NAALADL2: variants seen among roughly 807,000 people sequenced by gnomAD.
NAALADL2 encodes the protein N-acetylated alpha-linked acidic dipeptidase like 2.
In NAALADL2, 76 loss-of-function variants were observed where a neutral mutation model predicts 87.2. The ratio of observed to expected loss-of-function variants is 0.87; its 90% confidence interval spans 0.72 to 1.05. The LOEUF is 1.05. NAALADL2 is among the 50% of genes least tolerant of loss of function. The pLI is 0.00. For synonymous variants in NAALADL2, 354 were observed against 331.0 expected (o/e 1.07, Z -0.75); for missense variants, 1,089 against 945.8 (o/e 1.15, Z -1.99).
At chr3:174,678,780 G>A (rs1048174169) in intron 2 of NAALADL2, among the ~76,000 whole-genome samples, 14 of 152,020 alleles carry the variant, frequency 9.2e-5, no homozygotes, top group African/African-American at 1.7e-4. Flanking sequence ...ATTGTATACC[G>A]ACTCTCTATA....
chr3:175,767,392 A>G (rs539728500), intron 13 of NAALADL2, among the ~76,000 whole-genome samples: 4 of 152,148 alleles, frequency 2.6e-5, no homozygotes, highest in African/African-American at 9.6e-5. Context: ...CAAACCCTCA[A>G]ATTACATATA....
chr3:174,756,396 T>C (rs1440930611), intron 3 of NAALADL2, among the ~76,000 whole-genome samples: 2 of 152,212 alleles, frequency 1.3e-5, no homozygotes, highest in Non-Finnish European at 1.5e-5. Flanking sequence ...CCAGGCAATA[T>C]TCAGCTATTC....
intron 3 of NAALADL2, among the ~76,000 whole-genome samples, chr3:174,778,257 T>C (rs1715460834): frequency 6.6e-6 from 1 of 152,044 alleles, no homozygotes; most frequent in Non-Finnish European, 1.5e-5. Context: ...TTCAGCTTGG[T>C]CAAGATAAAA....
intron 11 of NAALADL2, among the ~76,000 whole-genome samples, chr3:175,629,928 A>C (rs577806700): frequency 6.6e-6 from 1 of 151,944 alleles, no homozygotes; most frequent in South Asian, 2.1e-4. Context: ...CTGTTTGATG[A>C]GTGAACAGAT....
chr3:175,356,470 G>T (rs1259851788), intron 5 of NAALADL2, among the ~76,000 whole-genome samples: 1 of 151,688 alleles, frequency 6.6e-6, no homozygotes. Flanking sequence ...AGCTACTTGA[G>T]AGGTTGAGGT....
chr3:175,048,321 G>T (rs1754927925), intron 1 of NAALADL2, among the ~76,000 whole-genome samples: 1 of 151,938 alleles, frequency 6.6e-6, no homozygotes, highest in African/African-American at 2.4e-5. Flanking sequence ...TGGCTATGTA[G>T]AAAGAAAGCA....
At chr3:175,396,904 AC>A (rs1560486931) in intron 5 of NAALADL2, among the ~76,000 whole-genome samples, 2 of 151,964 alleles carry the variant, frequency 1.3e-5, no homozygotes, top group African/African-American at 4.8e-5. Flanking sequence ...GGCCTCCCCA[AC>A]CCTGCAGAAC....
At chr3:175,698,336 T>TGTGTATTTATGTATGTATAC (rs1738323325) in intron 11 of NAALADL2, among the ~76,000 whole-genome samples, 1 of 73,696 alleles carries the variant, frequency 1.4e-5, no homozygotes, top group African/African-American at 1.0e-4. Flanking sequence ...TGTATGTGTA[T>TGTGTATTTATGTATGTATAC]ATATGTATGT....
chr3:174,979,888 C>T (rs972805458), intron 1 of NAALADL2, among the ~76,000 whole-genome samples: 4 of 152,076 alleles, frequency 2.6e-5, no homozygotes, highest in Non-Finnish European at 5.9e-5. Context: ...ACTTTACATC[C>T]CTGATGAAAA....
At chr3:174,732,540 A>G (rs898198532) in intron 2 of NAALADL2, among the ~76,000 whole-genome samples, 5 of 152,168 alleles carry the variant, frequency 3.3e-5, no homozygotes, top group Non-Finnish European at 7.4e-5. Flanking sequence ...GATCCTGAGG[A>G]CACAGCTAAG....
At chr3:174,529,554 T>G (rs144135096) in intron 1 of NAALADL2, among the ~76,000 whole-genome samples, 261 of 152,352 alleles carry the variant, frequency 1.7e-3, no homozygotes, top group African/African-American at 6.0e-3. Flanking sequence ...CCTTTAGCAC[T>G]GCCCTAGCAG....
At chr3:175,387,441 C>A (rs1768533086) in intron 5 of NAALADL2, among the ~76,000 whole-genome samples, 1 of 152,026 alleles carries the variant, frequency 6.6e-6, no homozygotes, top group Non-Finnish European at 1.5e-5. Flanking sequence ...TCTCTTGTAT[C>A]CATTTTCAGA....
At chr3:175,697,531 G>A (rs1411241508) in intron 11 of NAALADL2, among the ~76,000 whole-genome samples, 1 of 151,392 alleles carries the variant, frequency 6.6e-6, no homozygotes, top group Non-Finnish European at 1.5e-5. Flanking sequence ...ACTTATGAGG[G>A]TGTATTGTTA....
intron 2 of NAALADL2, among the ~76,000 whole-genome samples, chr3:175,175,302 C>T (rs1046527401): frequency 1.7e-4 from 26 of 151,996 alleles, no homozygotes; most frequent in Admixed American, 3.9e-4. Flanking sequence ...AGTTTTAAAA[C>T]GGAGTTTTTA....
At chr3:175,789,566 A>G (rs1051741647) in intron 13 of NAALADL2, among the ~76,000 whole-genome samples, 3 of 152,208 alleles carry the variant, frequency 2.0e-5, no homozygotes, top group Admixed American at 1.3e-4. Flanking sequence ...TTATTGGATT[A>G]GCATGCCTGC....
chr3:175,161,827 G>T (rs2108847067), intron 2 of NAALADL2, among the ~76,000 whole-genome samples: 1 of 152,234 alleles, frequency 6.6e-6, no homozygotes, highest in African/African-American at 2.4e-5. Flanking sequence ...GTCTGTGTCT[G>T]TCAATCAATT....
chr3:175,394,102 G>A (rs978712985), intron 5 of NAALADL2, among the ~76,000 whole-genome samples: 2 of 151,992 alleles, frequency 1.3e-5, no homozygotes, highest in African/African-American at 4.8e-5. Context: ...TATACTCTTT[G>A]CTATTCCTGA....
chr3:175,346,120 A>G (rs143816910), intron 5 of NAALADL2, among the ~76,000 whole-genome samples: 225 of 152,208 alleles, frequency 1.5e-3, no homozygotes, highest in African/African-American at 4.8e-3. Flanking sequence ...TTCTTATCTC[A>G]GTGTAATTGT....
chr3:174,984,691 TG>T (rs2108672511), intron 1 of NAALADL2, among the ~76,000 whole-genome samples: 1 of 152,284 alleles, frequency 6.6e-6, no homozygotes, highest in Admixed American at 6.5e-5. Context: ...TTTAAGCTCC[TG>T]AAATTATGTT....
Sources: allele counts gnomAD v4.1 joint callset (sites outside exome capture counted in the v4.1 genomes callset), GRCh38; gene constraint gnomAD v4.1.1; transcripts MANE v1.5; gene names NCBI Gene and HGNC (gene_info 2026-07-23, HGNC 2026-07-21).